The following PDE1A variants were observed in gnomAD, a reference collection of about 807,000 sequenced individuals.
PDE1A encodes dual specificity calcium/calmodulin-dependent 3',5'-cyclic nucleotide phosphodiesterase 1A.
A neutral mutation model predicts 61.7 loss-of-function variants in PDE1A; 35 were observed. The ratio of observed to expected loss-of-function variants is 0.57; its 90% confidence interval spans 0.43 to 0.75. PDE1A has a LOEUF of 0.75. Ranked by LOEUF, PDE1A falls within the 30% of genes least tolerant of loss-of-function variation. The pLI is 0.00. For missense variants in PDE1A, 597 were observed against 630.6 expected, an observed-to-expected ratio of 0.95 and a Z score of 0.57; for synonymous variants, 232 against 213.2, an observed-to-expected ratio of 1.09 and a Z score of -0.77.
At position 182,175,799 on chromosome 2, in the gene PDE1A, A is replaced by C. The variant is rs1323959299; in HGVS notation, c.1517-7509T>G. Among the ~76,000 whole-genome samples, 170 of 109,258 alleles carry C rather than the reference A, an allele frequency of 1.6e-3. 1 individual carries two copies. In the Middle Eastern group the frequency reaches 0.019, roughly 12 times the overall value. The allele number at this position is 109,258 out of a possible 152,430, so 71.7% of individuals were successfully genotyped here. A position where few individuals can be genotyped will look rare whatever the true frequency, so the allele number is the denominator to read the frequency against. ...AATGGTAATGCCTAGGTTTTCTTCT[A>C]GGGTTTTTATGGTTTTAGGTCTAAC... is the stretch of plus-strand genomic sequence containing the variant. On this transcript the variant is annotated intron_variant, in intron 13 of 13. Transcript: ENST00000351439.
At chr2:182,536,393 ACTT>A in the PDE1A span, among the ~76,000 whole-genome samples, 1 of 152,198 alleles carries the variant, frequency 6.6e-6, no homozygotes, top group Non-Finnish European at 1.5e-5. Context: ...TTTTCATAAT[ACTT>A]CTATTGTTTC....
intron 1 of PDE1A, among the ~76,000 whole-genome samples, chr2:182,317,946 G>C (rs1696452782): frequency 6.6e-6 from 1 of 152,064 alleles, no homozygotes; most frequent in Non-Finnish European, 1.5e-5. Context: ...GCATGGATAT[G>C]ATTATCTAAC....
chr2:182,388,156 C>A (rs1189869462), intron 1 of PDE1A, among the ~76,000 whole-genome samples: 3 of 152,020 alleles, frequency 2.0e-5, no homozygotes, highest in Non-Finnish European at 2.9e-5. Context: ...GATATGAATA[C>A]AACATTGTAG....
Position 182,384,260 on chromosome 2 carries a change from G to A in PDE1A, c.53+42318C>T, listed in dbSNP as rs372376637. ...GACACATGACCACAAGAATCAAGAA[G>A]AATTAAGGAAACATCATCAAACAGA... On this transcript the variant is annotated intron_variant, in intron 1 of 13. Transcript: ENST00000351439. 2.6e-5 allele frequency among the ~76,000 whole-genome samples: 4 copies of A among 152,042 alleles called. No homozygotes were observed. The South Asian group carries it at 8.3e-4, about 32-fold the overall frequency.
chr2:182,373,132 G>A (rs1370055418), intron 1 of PDE1A, among the ~76,000 whole-genome samples: 1 of 152,146 alleles, frequency 6.6e-6, no homozygotes, highest in African/African-American at 2.4e-5. Flanking sequence ...ACATCACAGG[G>A]GCTTCAATGA....
intron 2 of PDE1A, among the ~76,000 whole-genome samples, chr2:182,474,807 C>T (rs1006925719): frequency 6.6e-6 from 1 of 151,920 alleles, no homozygotes; most frequent in Non-Finnish European, 1.5e-5. Flanking sequence ...ACTGCCCAAG[C>T]TGATGCTGTA....
chr2:182,580,641 A>T, the PDE1A span, among the ~76,000 whole-genome samples: 1 of 152,220 alleles, frequency 6.6e-6, no homozygotes, highest in East Asian at 1.9e-4. Context: ...CTTAAATGGA[A>T]GACTGGCTTT....
upstream of PDE1A, among the ~76,000 whole-genome samples, chr2:182,527,150 A>T (rs1434243304): frequency 6.7e-6 from 1 of 150,368 alleles, no homozygotes; most frequent in Non-Finnish European, 1.5e-5. Flanking sequence ...AGGTAAGAAC[A>T]GAAAGAGAAT....
At chr2:182,221,410 G>T (rs1688717166) in intron 7 of PDE1A, among the ~76,000 whole-genome samples, 1 of 152,114 alleles carries the variant, frequency 6.6e-6, no homozygotes, top group African/African-American at 2.4e-5. Flanking sequence ...TCCAGTGGAT[G>T]TAGAGAGCCT....
Position 182,396,276 on chromosome 2 carries a change from G to T in PDE1A, c.53+30302C>A, listed in dbSNP as rs191558259. Among the ~76,000 whole-genome samples the T allele has an allele frequency of 2.0e-5, 3 of 152,340 alleles. No homozygotes were observed. In the East Asian group the frequency reaches 5.8e-4, roughly 29 times the overall value. ...TCCTAGGACATCCCTGAAGGACAGT[G>T]GTGAAGGGAAATCTTCCCAGTGGGC... On this transcript the variant is annotated intron_variant, in intron 1 of 13. Transcript: ENST00000351439.
the PDE1A span, among the ~76,000 whole-genome samples, chr2:182,652,560 G>A: frequency 2.6e-4 from 40 of 152,170 alleles, no homozygotes; most frequent in Non-Finnish European, 4.1e-4. Context: ...AGCCACAGCC[G>A]GATAAAAAGG....
chr2:182,418,570 C>A (rs190024509), intron 1 of PDE1A, among the ~76,000 whole-genome samples: 1 of 151,926 alleles, frequency 6.6e-6, no homozygotes, highest in Non-Finnish European at 1.5e-5. Context: ...TCTTCAACAG[C>A]GGAATGAACT....
chr2:182,560,560 G>A, the PDE1A span, among the ~76,000 whole-genome samples: 1 of 151,428 alleles, frequency 6.6e-6, no homozygotes, highest in African/African-American at 2.4e-5. Flanking sequence ...ATGATTTATA[G>A]TCCTTTGGGT....
At chr2:182,711,958 G>T in the PDE1A span, among the ~76,000 whole-genome samples, 327 of 152,296 alleles carry the variant, frequency 2.1e-3, no homozygotes, top group Non-Finnish European at 4.2e-3. Context: ...AAGGAGAAAT[G>T]TAACATTGCC....
the PDE1A span, among the ~76,000 whole-genome samples, chr2:182,625,795 C>T: frequency 2.0e-4 from 30 of 152,172 alleles, no homozygotes; most frequent in Non-Finnish European, 2.5e-4. Flanking sequence ...TGATCACATA[C>T]TTCTAGCTCA....
the PDE1A span, among the ~76,000 whole-genome samples, chr2:182,690,936 CAA>C: frequency 4.6e-5 from 7 of 152,210 alleles, no homozygotes; most frequent in South Asian, 1.5e-3. Context: ...ACAATTGCTT[CAA>C]AGAGAATAAA....
chr2:182,277,900 G>A (rs981142068), intron 1 of PDE1A, among the ~76,000 whole-genome samples: 3 of 151,964 alleles, frequency 2.0e-5, no homozygotes, highest in Non-Finnish European at 4.4e-5. Flanking sequence ...CTGTCACTTG[G>A]TCTTATCCTA....
intron 1 of PDE1A, among the ~76,000 whole-genome samples, chr2:182,300,030 T>C (rs1432872048): frequency 1.3e-5 from 2 of 152,218 alleles, no homozygotes; most frequent in African/African-American, 4.8e-5. Flanking sequence ...GTGAAGTTTG[T>C]AGTAGTCCAG....
chr2:182,471,165 A>G (rs1287047941), intron 2 of PDE1A, among the ~76,000 whole-genome samples: 1 of 151,868 alleles, frequency 6.6e-6, no homozygotes, highest in African/African-American at 2.4e-5. Context: ...CATCAGCTAT[A>G]ATCCATAGTC....
Sources: allele counts gnomAD v4.1 joint callset (sites outside exome capture counted in the v4.1 genomes callset), GRCh38; gene constraint gnomAD v4.1.1; transcripts MANE v1.5; gene names NCBI Gene and HGNC (gene_info 2026-07-23, HGNC 2026-07-21).